Variants in RPTOR observed in about 807,000 individuals in gnomAD.
The protein encoded by RPTOR is regulatory-associated protein of mTOR.
A neutral mutation model predicts 169.9 loss-of-function variants in RPTOR; 21 were observed. The observed-to-expected ratio is 0.12, with a 90% CI of 0.09 to 0.18. The LOEUF (loss-of-function observed/expected upper bound fraction) is 0.18. RPTOR is among the 10% of genes least tolerant of loss of function. The pLI is 1.00. For synonymous variants in RPTOR, 732 were observed against 753.2 expected (o/e 0.97, Z 0.46); for missense variants, 1,133 against 1,855.9 (o/e 0.61, Z 7.16).
rs74002839 is a variant in RPTOR at position 80,708,838 on chromosome 17, A to G, written c.507+839A>G. ...TGTGCCTGAGCGTGTCTATGAGGGC[A>G]CTGATTTGGAATCCAGCAAATCCGA... On this transcript the variant is annotated intron_variant, in intron 4 of 33. Coordinates refer to ENST00000306801, the MANE Select transcript of RPTOR (RefSeq NM_020761.3). The surrounding 1 kb of genome is among the most constrained non-coding windows in gnomAD (Gnocchi z 4.2). The G allele has an allele frequency of 5.2e-3, 3,472 of 669,164 alleles. 107 individuals are homozygous for G. In the African/African-American group the frequency reaches 0.062, roughly 12 times the overall value. The allele number at this position is 669,164 out of a possible 1,614,324, so 41.5% of individuals were successfully genotyped here.
At chr17:80,776,612 C>T (rs974350389) in intron 6 of RPTOR, among the ~76,000 whole-genome samples, 4 of 152,204 alleles carry the variant, frequency 2.6e-5, no homozygotes, top group African/African-American at 9.7e-5. Context: ...GTGTGAGTCA[C>T]TGTGCCCGGC....
At chr17:80,925,330 G>A in intron 23 of RPTOR, 40 bp from the exon 24 acceptor site, 1 of 1,570,822 alleles carries the variant, frequency 6.4e-7, no homozygotes, top group Non-Finnish European at 8.7e-7. Flanking sequence ...ACTGACTGGT[G>A]TTTCTTTTTC....
chr17:80,659,879 C>T lies in RPTOR; in HGVS notation c.348+16069C>T, dbSNP rs149227986. Among the ~76,000 whole-genome samples, 5 of 152,274 alleles carry T rather than the reference C, an allele frequency of 3.3e-5. No homozygotes were observed. Among genetic ancestry groups the T allele is most frequent in the African/African-American group, 1.2e-4 (5 of 41,540 alleles). On this transcript the variant is annotated intron_variant, in intron 3 of 33. Transcript: ENST00000306801. The surrounding 1 kb of genome is among the most constrained non-coding windows in gnomAD (Gnocchi z 4.3). ...CTCAGGCTGGTCTCAAACTCCAGGG[C>T]TTAAGCAATCCTCCTGCCTTGGCCT...
chr17:80,930,463 CTCATCCCCAGCTCATCCCCAG>C (rs2068881689), intron 24 of RPTOR, among the ~76,000 whole-genome samples: 1 of 138,896 alleles, frequency 7.2e-6, no homozygotes, highest in Non-Finnish European at 1.6e-5. Context: ...TCATCCCCAG[CTCATCCCCAGCTCATCCCCAG>C]CTCATCCCCA....
At chr17:80,710,634 C>T (rs957970479) in intron 4 of RPTOR, among the ~76,000 whole-genome samples, 5 of 149,988 alleles carry the variant, frequency 3.3e-5, no homozygotes, top group Non-Finnish European at 5.9e-5. Flanking sequence ...CAGTACTTTT[C>T]TCCCTTAGGC....
chr17:80,922,813 C>T lies in RPTOR; in HGVS notation c.2610C>T (p.His870=). 1.3e-6 allele frequency: 2 copies of T among 1,577,494 alleles called. No homozygotes were observed. The highest frequency in any genetic ancestry group is 1.7e-6 in the Non-Finnish European group (2 of 1,167,116). Residue 870 remains histidine (H), a synonymous_variant, in exon 22 of 34, where the codon CAC becomes CAT. Transcript: ENST00000306801. ...APASPTNKGV[H]IHQAGGSPPA... ...CCAGCCCCACCAACAAGGGCGTGCA[C>T]ATCCACCAGGCGGGGTAAGTGCCGC...
intron 6 of RPTOR, among the ~76,000 whole-genome samples, chr17:80,784,101 C>G (rs1311740296): frequency 6.6e-6 from 1 of 152,142 alleles, no homozygotes. Context: ...CTCAGCCTCC[C>G]GAGTCCTCTG....
At chr17:80,672,556 C>T (rs1034643331) in intron 3 of RPTOR, among the ~76,000 whole-genome samples, 10 of 151,972 alleles carry the variant, frequency 6.6e-5, no homozygotes, top group Middle Eastern at 3.2e-3. Context: ...TTTGGGAGGC[C>T]GAGGCGGGCA....
intron 3 of RPTOR, among the ~76,000 whole-genome samples, chr17:80,686,972 A>G (rs1345140439): frequency 7.7e-6 from 1 of 129,070 alleles, no homozygotes; most frequent in African/African-American, 2.6e-5. Context: ...CTGATGGCAA[A>G]CTCTTGTTCT....
intron 5 of RPTOR, among the ~76,000 whole-genome samples, chr17:80,733,068 A>G (rs2066405355): frequency 6.6e-6 from 1 of 152,242 alleles, no homozygotes; most frequent in Admixed American, 6.5e-5. Context: ...CATAAATTTT[A>G]AGAGATGGTG....
At chr17:80,928,225 A>G (rs2068835700) in intron 24 of RPTOR, among the ~76,000 whole-genome samples, 1 of 152,126 alleles carries the variant, frequency 6.6e-6, no homozygotes, top group Non-Finnish European at 1.5e-5. Flanking sequence ...AAGAGGAAGC[A>G]GGACGTGTTT....
intron 27 of RPTOR, 108 bp from the exon 28 acceptor site, chr17:80,949,335 A>G (rs1265558684): frequency 1.5e-5 from 14 of 942,118 alleles, no homozygotes; most frequent in Non-Finnish European, 2.4e-5. Context: ...CTGGCCGCCC[A>G]GGGTCACTGC....
At chr17:80,561,516 G>A (rs1338948365) in intron 1 of RPTOR, among the ~76,000 whole-genome samples, 1 of 151,386 alleles carries the variant, frequency 6.6e-6, no homozygotes, top group Admixed American at 6.6e-5. Context: ...CTGTAGCCTC[G>A]ACCTCCCTGG....
chr17:80,888,978 A>T lies in RPTOR; in HGVS notation c.1984-2742A>T, dbSNP rs912451144. ...GAGGGCGTGGGCACAAGAGGCCAGG[A>T]GGGCAGTGGGGCAGGTGGCCCAGCC... On this transcript the variant is annotated intron_variant, in intron 17 of 33. Coordinates refer to ENST00000306801, the MANE Select transcript of RPTOR (RefSeq NM_020761.3). 4.5e-4 allele frequency among the ~76,000 whole-genome samples: 69 copies of T among 152,124 alleles called. 1 individual carries two copies. Among genetic ancestry groups the T allele is most frequent in the Non-Finnish European group, 5.9e-5 (4 of 68,008 alleles).
At chr17:80,895,028 G>C (rs570522735) in intron 20 of RPTOR, among the ~76,000 whole-genome samples, 1 of 152,226 alleles carries the variant, frequency 6.6e-6, no homozygotes, top group Non-Finnish European at 1.5e-5. Flanking sequence ...TCACCTCCGC[G>C]ATCTGCCGTG....
At chr17:80,938,383 C>G (rs2068980779) in intron 24 of RPTOR, among the ~76,000 whole-genome samples, 1 of 152,264 alleles carries the variant, frequency 6.6e-6, no homozygotes, top group Non-Finnish European at 1.5e-5. Flanking sequence ...TCCTTCTAGA[C>G]TCTTCCTCTA....
intron 6 of RPTOR, among the ~76,000 whole-genome samples, chr17:80,766,546 T>G (rs1274944406): frequency 6.6e-6 from 1 of 152,210 alleles, no homozygotes; most frequent in African/African-American, 2.4e-5. Context: ...TTAACATATC[T>G]GGGGTCCAGA....
chr17:80,547,028 C>T (rs868807933), intron 1 of RPTOR, among the ~76,000 whole-genome samples: 11 of 151,780 alleles, frequency 7.2e-5, no homozygotes, highest in African/African-American at 2.4e-4. Flanking sequence ...GAAATCGCAC[C>T]ATTGCACTCC....
intron 1 of RPTOR, among the ~76,000 whole-genome samples, chr17:80,568,372 A>G (rs2064868339): frequency 6.6e-6 from 1 of 152,044 alleles, no homozygotes. Flanking sequence ...TTTCACCTTT[A>G]TGCTCCTAGC....
Sources: allele counts gnomAD v4.1 joint callset (sites outside exome capture counted in the v4.1 genomes callset), GRCh38; gene constraint gnomAD v4.1.1; non-coding constraint Gnocchi (gnomAD v3.1); transcripts MANE v1.5; gene names NCBI Gene and HGNC (gene_info 2026-07-23, HGNC 2026-07-21).